Variants in COMMD1 observed in about 807,000 individuals in gnomAD.
COMMD1 encodes COMM domain-containing protein 1.
In COMMD1, 10 loss-of-function variants were observed where a neutral mutation model predicts 17.2. The ratio of observed to expected loss-of-function variants is 0.58; its 90% confidence interval spans 0.36 to 0.99. The LOEUF (loss-of-function observed/expected upper bound fraction) is 0.99. Ranked by LOEUF, COMMD1 falls within the 50% of genes least tolerant of loss-of-function variation. The pLI, the probability that COMMD1 is intolerant of heterozygous loss-of-function variation, is 0.01. For missense variants in COMMD1, 270 were observed against 231.8 expected (o/e 1.17, Z -1.07); for synonymous variants, 97 against 91.6 (o/e 1.06, Z -0.34).
At chr2:62,034,701 C>T (rs1669995942) in intron 2 of COMMD1, among the ~76,000 whole-genome samples, 1 of 152,078 alleles carries the variant, frequency 6.6e-6, no homozygotes, top group Non-Finnish European at 1.5e-5. Flanking sequence ...AGTATAGTTG[C>T]CAGTCACTAT....
intron 1 of COMMD1, among the ~76,000 whole-genome samples, chr2:61,956,425 T>C (rs1268139237): frequency 6.6e-6 from 1 of 152,166 alleles, no homozygotes; most frequent in African/African-American, 2.4e-5. Context: ...TTTTTTTTTT[T>C]TGGAGATGGA....
chr2:61,947,597 T>C (rs986848959), intron 1 of COMMD1, among the ~76,000 whole-genome samples: 2 of 151,958 alleles, frequency 1.3e-5, no homozygotes, highest in Non-Finnish European at 2.9e-5. Flanking sequence ...GCAGGAGAAT[T>C]GCTTAAACCC....
At chr2:61,914,795 A>C (rs911075520) in intron 1 of COMMD1, among the ~76,000 whole-genome samples, 4 of 151,064 alleles carry the variant, frequency 2.6e-5, no homozygotes, top group African/African-American at 7.3e-5. Flanking sequence ...GGTTCAAGCG[A>C]TTCTCGTGTC....
At chr2:61,914,265 G>T (rs569292719) in intron 1 of COMMD1, among the ~76,000 whole-genome samples, 1 of 152,102 alleles carries the variant, frequency 6.6e-6, no homozygotes, top group Non-Finnish European at 1.5e-5. Flanking sequence ...TGGAAATGGG[G>T]ACTATTTGCT....
At chr2:62,111,098 A>G (rs555916727) in intron 2 of COMMD1, among the ~76,000 whole-genome samples, 1 of 152,266 alleles carries the variant, frequency 6.6e-6, no homozygotes, top group South Asian at 2.1e-4. Context: ...AGAGAGGGAG[A>G]TATCTTTACG....
intron 2 of COMMD1, among the ~76,000 whole-genome samples, chr2:62,074,138 G>A (rs1294342015): frequency 6.6e-6 from 1 of 152,180 alleles, no homozygotes; most frequent in East Asian, 1.9e-4. Context: ...TTTGGAATCA[G>A]GGCACATCAC....
chr2:61,973,422 C>T (rs1170747870), intron 1 of COMMD1, among the ~76,000 whole-genome samples: 2 of 152,120 alleles, frequency 1.3e-5, no homozygotes, highest in East Asian at 1.9e-4. Flanking sequence ...TATTCACTAT[C>T]GTGGGGCATT....
chr2:62,112,204 C>T (rs1208590637), intron 2 of COMMD1, among the ~76,000 whole-genome samples: 1 of 152,096 alleles, frequency 6.6e-6, no homozygotes, highest in Non-Finnish European at 1.5e-5. Context: ...AGTGGGTGGT[C>T]ATGTTGAATA....
chr2:62,127,436 A>G (rs1672913668), intron 2 of COMMD1, among the ~76,000 whole-genome samples: 1 of 152,246 alleles, frequency 6.6e-6, no homozygotes, highest in Non-Finnish European at 1.5e-5. Context: ...CTAAGCAAAA[A>G]GAACAAAGCC....
chr2:61,979,995 G>A (rs1245687244), intron 1 of COMMD1, among the ~76,000 whole-genome samples: 1 of 77,044 alleles, frequency 1.3e-5, no homozygotes, highest in East Asian at 3.7e-4. Flanking sequence ...GAGAATATGC[G>A]GTGTTTGGTT....
At position 62,065,746 on chromosome 2, in the gene COMMD1, T is replaced by C. The variant is rs113245054; in HGVS notation, c.462+64764T>C. ...TTTATTATAATCGTTCATTTGTTTT[T>C]AGTAAAAGTCTTCAGGGTGAAACTT... On this transcript the variant is annotated intron_variant, in intron 2 of 2. Transcript: ENST00000311832. Among the ~76,000 whole-genome samples the C allele has an allele frequency of 7.3e-3, 1,105 of 152,348 alleles. 15 individuals carry two copies. Among genetic ancestry groups the C allele is most frequent in the African/African-American group, 0.025 (1,021 of 41,580 alleles).
At chr2:61,999,422 A>C (rs1325678163) in intron 1 of COMMD1, among the ~76,000 whole-genome samples, 7 of 152,234 alleles carry the variant, frequency 4.6e-5, no homozygotes, top group Non-Finnish European at 4.4e-5. Flanking sequence ...TTGGCTGAAG[A>C]TGGGCTTCAA....
intron 1 of COMMD1, among the ~76,000 whole-genome samples, chr2:61,937,661 G>C (rs1159669295): frequency 6.6e-6 from 1 of 152,106 alleles, no homozygotes; most frequent in Non-Finnish European, 1.5e-5. Flanking sequence ...TCTATGCTAC[G>C]CATTGAGCCA....
At chr2:62,068,567 G>A (rs1022695413) in intron 2 of COMMD1, among the ~76,000 whole-genome samples, 10 of 150,574 alleles carry the variant, frequency 6.6e-5, no homozygotes, top group African/African-American at 2.2e-4. Flanking sequence ...TAAGATTGGA[G>A]AATGCAATTG....
In COMMD1 at chr2:61,939,127, T is replaced by G. The variant is rs1410899105; in HGVS notation, c.180+33269T>G. ...AAATTAAGTTTTAGGCTTATTATAC[T>G]TTGCCTGATTATTCACATAAAGTGC... On this transcript the variant is annotated intron_variant, in intron 1 of 2. Coordinates refer to ENST00000311832, the MANE Select transcript of COMMD1 (RefSeq NM_152516.4). Among the ~76,000 whole-genome samples the G allele has an allele frequency of 2.6e-5, 4 of 152,110 alleles. No homozygotes were observed. In the South Asian group the frequency reaches 6.2e-4, roughly 24 times the overall value.
chr2:61,888,628 G>C (rs542940679), upstream of COMMD1: 1 of 1,226,346 alleles, frequency 8.2e-7, no homozygotes, highest in Non-Finnish European at 1.1e-6. Context: ...AAGCGGCGCC[G>C]GCGTCGGGAG....
chr2:61,891,643 A>C (rs1669432209), intron 1 of COMMD1, among the ~76,000 whole-genome samples: 1 of 151,478 alleles, frequency 6.6e-6, no homozygotes, highest in Non-Finnish European at 1.5e-5. Flanking sequence ...CAGGAGAATC[A>C]CTTGAACTCG....
chr2:62,046,837 A>T (rs966524019), intron 2 of COMMD1, among the ~76,000 whole-genome samples: 8 of 152,262 alleles, frequency 5.3e-5, no homozygotes, highest in African/African-American at 1.9e-4. Flanking sequence ...GAACTAATAC[A>T]TGATTTACAA....
chr2:62,066,568 A>ATT (rs1272039832), intron 2 of COMMD1, among the ~76,000 whole-genome samples: 1 of 148,568 alleles, frequency 6.7e-6, no homozygotes. Context: ...TGCCTGGCTA[A>ATT]TTTTTTGTAT....
Sources: allele counts gnomAD v4.1 joint callset (sites outside exome capture counted in the v4.1 genomes callset), GRCh38; gene constraint gnomAD v4.1.1; transcripts MANE v1.5; gene names NCBI Gene and HGNC (gene_info 2026-07-23, HGNC 2026-07-21).